Variants in GRID1 observed in about 807,000 individuals in gnomAD.
GRID1 encodes glutamate ionotropic receptor delta type subunit 1, also known as glutamate receptor ionotropic, delta-1.
A neutral mutation model predicts 98.0 loss-of-function variants in GRID1; 28 were observed. The observed-to-expected ratio is 0.29, with a 90% CI of 0.21 to 0.39. The LOEUF (loss-of-function observed/expected upper bound fraction) is 0.39. Ranked by LOEUF, GRID1 falls within the 10% of genes least tolerant of loss-of-function variation. The pLI is 1.00. For missense variants in GRID1, 1,111 were observed against 1,340.5 expected, an observed-to-expected ratio of 0.83 and a Z score of 2.67; for synonymous variants, 553 against 538.5, an observed-to-expected ratio of 1.03 and a Z score of -0.37.
intron 12 of GRID1, among the ~76,000 whole-genome samples, chr10:85,707,457 G>C (rs1164718151): frequency 3.3e-5 from 5 of 152,230 alleles, no homozygotes; most frequent in South Asian, 2.1e-4. Flanking sequence ...AAAAAGTCAG[G>C]AAACAACAGG....
chr10:86,363,127 A>G (rs1225484198), intron 2 of GRID1, among the ~76,000 whole-genome samples: 2 of 152,260 alleles, frequency 1.3e-5, no homozygotes, highest in African/African-American at 4.8e-5. Context: ...GTTGAAGGGG[A>G]GGGACTAGCA....
intron 12 of GRID1, among the ~76,000 whole-genome samples, chr10:85,721,630 C>T (rs544709825): frequency 3.9e-5 from 6 of 152,208 alleles, no homozygotes; most frequent in African/African-American, 7.2e-5. Flanking sequence ...ATATCACATA[C>T]TGAAATGACA....
Position 85,683,707 on chromosome 10 carries a change from A to G in GRID1, c.1998-36310T>C, listed in dbSNP as rs536377752. Among the ~76,000 whole-genome samples, 7 of 152,344 alleles carry G rather than the reference A, an allele frequency of 4.6e-5. No homozygotes were observed. The South Asian group carries it at 1.4e-3, about 32-fold the overall frequency. ...AGAAAACTTAAATATTCCTATAACT[A>G]TTAAGAAAAACTAAATCCATATTTT... On this transcript the variant is annotated intron_variant, in intron 12 of 15. Transcript: ENST00000327946.
chr10:85,871,631 A>G (rs1843279385), intron 5 of GRID1, among the ~76,000 whole-genome samples: 1 of 152,226 alleles, frequency 6.6e-6, no homozygotes, highest in Non-Finnish European at 1.5e-5. Context: ...GTAAAAAGGA[A>G]GCTAATGAGG....
chr10:85,774,007 G>A (rs575207911), intron 8 of GRID1, among the ~76,000 whole-genome samples: 99 of 152,226 alleles, frequency 6.5e-4, no homozygotes, highest in Non-Finnish European at 1.1e-3. Context: ...AAGAGAGCCC[G>A]CATCGCCAAG....
intron 12 of GRID1, among the ~76,000 whole-genome samples, chr10:85,662,402 C>T (rs1361477541): frequency 2.0e-5 from 3 of 152,174 alleles, no homozygotes; most frequent in Admixed American, 6.5e-5. Context: ...AGGGCTCCAA[C>T]GCCAGGATAG....
chr10:85,650,968 A>G (rs1327542342), intron 12 of GRID1, among the ~76,000 whole-genome samples: 1 of 152,176 alleles, frequency 6.6e-6, no homozygotes, highest in Non-Finnish European at 1.5e-5. Context: ...TCAGAGCTGC[A>G]GTGTCAGTAG....
intron 5 of GRID1, 24 bp from the exon 6 acceptor site, chr10:85,869,204 C>T (rs375835902): frequency 9.0e-5 from 144 of 1,604,494 alleles, no homozygotes; most frequent in Non-Finnish European, 1.0e-4. Context: ...CAGGCCCATG[C>T]TTACCATCCA....
At chr10:85,892,839 C>T (rs1257466896) in intron 5 of GRID1, among the ~76,000 whole-genome samples, 6 of 152,008 alleles carry the variant, frequency 3.9e-5, no homozygotes, top group African/African-American at 7.2e-5. Flanking sequence ...GAGGAGGAAA[C>T]ATATTGCAAC....
At chr10:85,873,560 T>A (rs1013446610) in intron 5 of GRID1, among the ~76,000 whole-genome samples, 1 of 152,120 alleles carries the variant, frequency 6.6e-6, no homozygotes, top group Non-Finnish European at 1.5e-5. Context: ...AGCTAAGAAA[T>A]AAAATATTAC....
At chr10:86,236,834 G>A (rs770398238) in intron 2 of GRID1, among the ~76,000 whole-genome samples, 6 of 152,180 alleles carry the variant, frequency 3.9e-5, no homozygotes, top group African/African-American at 7.2e-5. Flanking sequence ...AGGGCTACAC[G>A]CCTGACCCAG....
intron 2 of GRID1, among the ~76,000 whole-genome samples, chr10:86,302,941 T>A (rs931232446): frequency 3.3e-5 from 5 of 152,244 alleles, no homozygotes; most frequent in African/African-American, 1.2e-4. Context: ...CACACAGAAG[T>A]CTGACAAACA....
intron 5 of GRID1, among the ~76,000 whole-genome samples, chr10:85,904,731 G>A (rs1841436059): frequency 6.7e-6 from 1 of 149,940 alleles, no homozygotes; most frequent in Non-Finnish European, 1.5e-5. Flanking sequence ...AAAAAACACT[G>A]GACAGAATAG....
chr10:85,822,550 G>A (rs1186267137), intron 8 of GRID1, among the ~76,000 whole-genome samples: 1 of 152,190 alleles, frequency 6.6e-6, no homozygotes, highest in African/African-American at 2.4e-5. Flanking sequence ...AAGTGCTGGA[G>A]AGGATGTGGA....
chr10:86,203,395 C>A (rs1845980433), intron 3 of GRID1, among the ~76,000 whole-genome samples: 2 of 151,904 alleles, frequency 1.3e-5, no homozygotes, highest in African/African-American at 4.8e-5. Flanking sequence ...GCCACACTTG[C>A]ACTCCGAGGG....
At chr10:86,085,649 T>C (rs1395570779) in intron 4 of GRID1, among the ~76,000 whole-genome samples, 4 of 152,096 alleles carry the variant, frequency 2.6e-5, no homozygotes, top group African/African-American at 9.7e-5. Context: ...ACATCTCCTT[T>C]ATTTCCTGGT....
intron 4 of GRID1, among the ~76,000 whole-genome samples, chr10:85,982,084 C>T (rs1310149296): frequency 1.3e-5 from 2 of 151,694 alleles, no homozygotes; most frequent in East Asian, 3.9e-4. Context: ...TGTTTGATAA[C>T]CAAAAATAAG....
chr10:85,902,120 C>A (rs1448316989), intron 5 of GRID1, among the ~76,000 whole-genome samples: 2 of 152,212 alleles, frequency 1.3e-5, no homozygotes, highest in Non-Finnish European at 2.9e-5. Flanking sequence ...CAAATCTAAT[C>A]AAGCAGCTCC....
At chr10:86,172,817 GA>G (rs1006098908) in intron 3 of GRID1, among the ~76,000 whole-genome samples, 6 of 151,702 alleles carry the variant, frequency 4.0e-5, no homozygotes, top group East Asian at 3.9e-4. Context: ...GTATAACTAA[GA>G]AAAAAATGCT....
Sources: gnomAD v4.1 joint callset for allele counts (sites outside exome capture counted in the v4.1 genomes callset) on GRCh38, gnomAD v4.1.1 for gene constraint, MANE v1.5 for transcripts, NCBI Gene and HGNC (gene_info 2026-07-23, HGNC 2026-07-21) for gene names.